TTC29: variants seen among roughly 807,000 people sequenced by gnomAD.
TTC29 encodes tetratricopeptide repeat domain 29.
A neutral mutation model predicts 58.1 loss-of-function variants in TTC29; 49 were observed. That is an observed-to-expected ratio of 0.84 (90% CI 0.67 to 1.07). The LOEUF (loss-of-function observed/expected upper bound fraction) is 1.07. TTC29 is among the 50% of genes least tolerant of loss of function. TTC29 has a pLI of 0.00. For missense variants in TTC29, 582 were observed against 555.6 expected, an observed-to-expected ratio of 1.05 and a Z score of -0.48; for synonymous variants, 209 against 196.8, an observed-to-expected ratio of 1.06 and a Z score of -0.52.
chr4:146,904,419 C>A (rs1733384291), intron 5 of TTC29, among the ~76,000 whole-genome samples: 1 of 151,764 alleles, frequency 6.6e-6, no homozygotes, highest in South Asian at 2.1e-4. Flanking sequence ...TAATTAAACT[C>A]TTGTAGGTTT....
At chr4:146,722,235 AT>A (rs1743417456) in intron 11 of TTC29, among the ~76,000 whole-genome samples, 1 of 152,230 alleles carries the variant, frequency 6.6e-6, no homozygotes, top group East Asian at 1.9e-4. Flanking sequence ...TGAAATGGCC[AT>A]AATTTCCAAA....
chr4:146,716,651 A>G (rs1742950239), intron 11 of TTC29, among the ~76,000 whole-genome samples: 1 of 152,128 alleles, frequency 6.6e-6, no homozygotes, highest in Non-Finnish European at 1.5e-5. Flanking sequence ...TCCAAAGAAG[A>G]GATACTGTAG....
At chr4:146,926,585 C>A (rs761202263) in intron 4 of TTC29, among the ~76,000 whole-genome samples, 1 of 152,062 alleles carries the variant, frequency 6.6e-6, no homozygotes, top group Non-Finnish European at 1.5e-5. Context: ...GCCTCAGCCT[C>A]CTGAGTAGCT....
chr4:146,786,327 G>A (rs946108652), intron 11 of TTC29, among the ~76,000 whole-genome samples: 35 of 152,274 alleles, frequency 2.3e-4, no homozygotes, highest in African/African-American at 7.0e-4. Context: ...TAATAATTAC[G>A]CCTGTGTTTG....
At chr4:146,913,669 C>T (rs1030077406) in intron 4 of TTC29, among the ~76,000 whole-genome samples, 4 of 152,074 alleles carry the variant, frequency 2.6e-5, no homozygotes, top group Non-Finnish European at 5.9e-5. Flanking sequence ...CTGCTAACTA[C>T]GTCCATTTGA....
Position 146,939,786 on chromosome 4 carries a change from A to G in TTC29, c.92+18T>C, listed in dbSNP as rs755210021. The G allele has an allele frequency of 1.9e-5, 30 of 1,593,380 alleles. No individual in the cohort carries two copies. Among genetic ancestry groups the G allele is most frequent in the Non-Finnish European group, 2.6e-5 (30 of 1,172,526 alleles). On this transcript the variant is annotated intron_variant, in intron 3 of 12. Coordinates refer to ENST00000325106, the MANE Select transcript of TTC29 (RefSeq NM_031956.4). ...AATTCCTTCTGTAGGAAAATAAGTAAAAACCAGGGGCACGTACCTTGGAAT... is the reference window on the plus strand; with the variant it reads ...AATTCCTTCTGTAGGAAAATAAGTAGAAACCAGGGGCACGTACCTTGGAAT...
intron 4 of TTC29, among the ~76,000 whole-genome samples, chr4:146,911,947 G>C (rs1733924755): frequency 6.6e-6 from 1 of 152,166 alleles, no homozygotes; most frequent in Non-Finnish European, 1.5e-5. Flanking sequence ...CTGCAAAGAT[G>C]GAGGAAGGAA....
At chr4:146,920,067 C>A in intron 4 of TTC29, among the ~76,000 whole-genome samples, 1 of 150,862 alleles carries the variant, frequency 6.6e-6, no homozygotes, top group East Asian at 1.9e-4. Flanking sequence ...AATTATTCAC[C>A]CCGCCTTTTA....
intron 8 of TTC29, among the ~76,000 whole-genome samples, chr4:146,855,549 A>G (rs1218306271): frequency 2.0e-5 from 3 of 152,176 alleles, no homozygotes; most frequent in African/African-American, 7.2e-5. Context: ...TAAGGGAGAA[A>G]GTTGAAATTA....
At chr4:146,944,663 G>A (rs1294474722) in intron 2 of TTC29, among the ~76,000 whole-genome samples, 1 of 152,116 alleles carries the variant, frequency 6.6e-6, no homozygotes, top group Non-Finnish European at 1.5e-5. Context: ...CAGTAAGCAA[G>A]TTTATTATAC....
intron 8 of TTC29, among the ~76,000 whole-genome samples, chr4:146,846,855 G>A (rs886211575): frequency 1.1e-4 from 16 of 152,096 alleles, no homozygotes; most frequent in African/African-American, 3.9e-4. Context: ...CCTTTTCTCA[G>A]AAATCCATGA....
intron 11 of TTC29, among the ~76,000 whole-genome samples, chr4:146,743,840 G>T (rs1185367916): frequency 1.3e-5 from 2 of 152,200 alleles, no homozygotes; most frequent in East Asian, 3.8e-4. Context: ...CTTTACATCT[G>T]GGGTTGACCT....
chr4:146,830,729 T>C (rs1324364713), intron 9 of TTC29, among the ~76,000 whole-genome samples: 1 of 152,176 alleles, frequency 6.6e-6, no homozygotes, highest in Non-Finnish European at 1.5e-5. Context: ...AGGACAATTT[T>C]GGGCTATGAA....
chr4:146,894,583 T>C (rs958234384), intron 6 of TTC29, among the ~76,000 whole-genome samples: 6 of 151,442 alleles, frequency 4.0e-5, no homozygotes, highest in African/African-American at 1.5e-4. Context: ...TAATGTTAAA[T>C]GACGAGTTAA....
At chr4:146,832,679 AG>A (rs908907645) in intron 9 of TTC29, among the ~76,000 whole-genome samples, 2 of 146,680 alleles carry the variant, frequency 1.4e-5, no homozygotes, top group Non-Finnish European at 3.0e-5. Flanking sequence ...TTTAGTAGAG[AG>A]GGGGCTTCAC....
intron 5 of TTC29, among the ~76,000 whole-genome samples, chr4:146,907,971 C>T (rs771611892): frequency 2.0e-5 from 3 of 152,150 alleles, no homozygotes; most frequent in African/African-American, 7.2e-5. Context: ...CTGCCACACA[C>T]ACACCCTAGT....
chr4:146,853,631 A>G (rs1579833128), intron 8 of TTC29, among the ~76,000 whole-genome samples: 1 of 152,146 alleles, frequency 6.6e-6, no homozygotes. Context: ...TTACAGCTCA[A>G]TATTTTCACA....
At chr4:146,844,939 C>T (rs1466362180) in intron 8 of TTC29, among the ~76,000 whole-genome samples, 1 of 152,130 alleles carries the variant, frequency 6.6e-6, no homozygotes, top group Non-Finnish European at 1.5e-5. Flanking sequence ...AGCAAGAGAC[C>T]AACTGACTCG....
intron 6 of TTC29, among the ~76,000 whole-genome samples, chr4:146,879,000 T>C (rs1731449715): frequency 6.6e-6 from 1 of 152,124 alleles, no homozygotes; most frequent in East Asian, 1.9e-4. Context: ...ATGAGGTCAG[T>C]GGGGTCCTGA....
Sources: allele counts gnomAD v4.1 joint callset (sites outside exome capture counted in the v4.1 genomes callset), GRCh38; gene constraint gnomAD v4.1.1; transcripts MANE v1.5; gene names NCBI Gene and HGNC (gene_info 2026-07-23, HGNC 2026-07-21).